WWTR1: variants seen among roughly 807,000 people sequenced by gnomAD.
The protein encoded by WWTR1 is WW domain-containing transcription regulator protein 1.
Under a neutral mutation model 40.1 loss-of-function variants are expected in WWTR1, and 13 were observed. The observed-to-expected ratio is 0.32, with a 90% CI of 0.21 to 0.52. The LOEUF (loss-of-function observed/expected upper bound fraction) is 0.52, where lower values mean the gene tolerates loss of function less well. Among genes scored for constraint, WWTR1 ranks in the 20% least tolerant of loss-of-function variants. WWTR1 has a pLI of 0.97. For synonymous variants in WWTR1, 230 were observed against 210.1 expected (o/e 1.09, Z -0.82); for missense variants, 436 against 523.1 (o/e 0.83, Z 1.63).
chr3:149,577,877 C>T (rs905830527), intron 2 of WWTR1, among the ~76,000 whole-genome samples: 1 of 152,008 alleles, frequency 6.6e-6, no homozygotes, highest in Non-Finnish European at 1.5e-5. Context: ...GTTAACTTTG[C>T]TCCAGTTTCC....
intron 3 of WWTR1, among the ~76,000 whole-genome samples, chr3:149,547,944 TCACACA>T (rs150391375): frequency 6.9e-6 from 1 of 144,910 alleles, no homozygotes; most frequent in African/African-American, 2.6e-5. Context: ...AAGGAAAAAA[TCACACA>T]CACACACACA....
At chr3:149,610,662 G>C (rs1452836268) in intron 2 of WWTR1, among the ~76,000 whole-genome samples, 1 of 152,226 alleles carries the variant, frequency 6.6e-6, no homozygotes, top group Non-Finnish European at 1.5e-5. Context: ...CCAGGGAAAG[G>C]AGGCAGGACG....
At chr3:149,623,025 C>T (rs1435069259) in intron 2 of WWTR1, among the ~76,000 whole-genome samples, 5 of 152,062 alleles carry the variant, frequency 3.3e-5, no homozygotes, top group African/African-American at 1.2e-4. Flanking sequence ...TTGCTAAGAA[C>T]AAATTCTAAT....
At chr3:149,604,716 G>A (rs756397569) in intron 2 of WWTR1, among the ~76,000 whole-genome samples, 12 of 152,226 alleles carry the variant, frequency 7.9e-5, no homozygotes, top group South Asian at 6.2e-4. Flanking sequence ...CTGGCCTTCC[G>A]TGTGCTGCCC....
chr3:149,597,432 C>CAAA (rs1253950023), intron 2 of WWTR1, among the ~76,000 whole-genome samples: 26 of 51,180 alleles, frequency 5.1e-4, no homozygotes, highest in Admixed American at 8.5e-4. Context: ...CCCAGCTCTA[C>CAAA]AAAAAAAAAA....
At chr3:149,702,997 G>A (rs1715242839) in intron 1 of WWTR1, 1 of 152,196 alleles carries the variant, frequency 6.6e-6, no homozygotes, top group Non-Finnish European at 1.5e-5. Flanking sequence ...TGTAGAAAGT[G>A]TTAACATTTA....
intron 2 of WWTR1, among the ~76,000 whole-genome samples, chr3:149,667,100 TTGTG>T (rs1169367981): frequency 1.3e-5 from 2 of 152,212 alleles, no homozygotes; most frequent in Admixed American, 1.3e-4. Flanking sequence ...ATTGGAGCGC[TTGTG>T]TGTATTAAAG....
intron 2 of WWTR1, among the ~76,000 whole-genome samples, chr3:149,578,807 G>T (rs1365439776): frequency 6.6e-6 from 1 of 152,120 alleles, no homozygotes; most frequent in Non-Finnish European, 1.5e-5. Context: ...TTGAACCGGG[G>T]AGGCGGAGGT....
At chr3:149,716,634 T>C (rs142309887) in intron 5 of WWTR1, among the ~76,000 whole-genome samples, 1,551 of 152,276 alleles carry the variant, frequency 0.01, 26 homozygotes, top group Admixed American at 0.053. Flanking sequence ...CATTTACTTA[T>C]TGATTGTTGA....
At chr3:149,543,580 C>CAATAAAAAAAA (rs1736227246) in intron 3 of WWTR1, among the ~76,000 whole-genome samples, 1 of 31,226 alleles carries the variant, frequency 3.2e-5, no homozygotes, top group East Asian at 1.2e-3. Context: ...GACTCTGTCT[C>CAATAAAAAAAA]AAAAAAAAAA....
At chr3:149,719,378 T>C (rs542351543) in intron 4 of WWTR1, among the ~76,000 whole-genome samples, 121 of 151,276 alleles carry the variant, frequency 8.0e-4, no homozygotes, top group Middle Eastern at 6.9e-3. Context: ...ACCACGTTGG[T>C]CAGGCTGATC....
intron 1 of WWTR1, among the ~76,000 whole-genome samples, chr3:149,676,317 T>A (rs557013057): frequency 4.6e-4 from 70 of 152,298 alleles, no homozygotes; most frequent in Non-Finnish European, 8.4e-4. Flanking sequence ...TTAGTAAGAA[T>A]CTTTCCAGAT....
chr3:149,650,455 A>G (rs993557718), intron 2 of WWTR1, among the ~76,000 whole-genome samples: 1 of 152,226 alleles, frequency 6.6e-6, no homozygotes, highest in Non-Finnish European at 1.5e-5. Flanking sequence ...ATACCTGTTC[A>G]TGGGATCACT....
chr3:149,665,250 A>G (rs1429009026), intron 2 of WWTR1, among the ~76,000 whole-genome samples: 3 of 137,744 alleles, frequency 2.2e-5, no homozygotes, highest in Non-Finnish European at 4.6e-5. Flanking sequence ...TTTTTGAGAC[A>G]GAGTCTTGCT....
chr3:149,581,105 C>T (rs1018703052), intron 2 of WWTR1, among the ~76,000 whole-genome samples: 2 of 152,110 alleles, frequency 1.3e-5, no homozygotes, highest in African/African-American at 2.4e-5. Context: ...AATCAATCTT[C>T]CTCCCACGTT....
intron 2 of WWTR1, among the ~76,000 whole-genome samples, chr3:149,575,542 C>T (rs1737840227): frequency 6.6e-6 from 1 of 152,174 alleles, no homozygotes; most frequent in Non-Finnish European, 1.5e-5. Flanking sequence ...TGTGCTAGAA[C>T]CAACATCAGC....
intron 2 of WWTR1, among the ~76,000 whole-genome samples, chr3:149,628,801 CCT>C (rs1711498407): frequency 6.7e-6 from 1 of 150,170 alleles, no homozygotes; most frequent in Non-Finnish European, 1.5e-5. Flanking sequence ...GTTGCTCTAG[CCT>C]CTGTTGCCCA....
intron 2 of WWTR1, among the ~76,000 whole-genome samples, chr3:149,665,999 C>T (rs1421212386): frequency 6.6e-6 from 1 of 152,036 alleles, no homozygotes; most frequent in Non-Finnish European, 1.5e-5. Context: ...TTTTTAATAT[C>T]CATTGTGTTC....
intron 3 of WWTR1, among the ~76,000 whole-genome samples, chr3:149,547,504 C>G (rs961082084): frequency 6.6e-6 from 1 of 151,788 alleles, no homozygotes; most frequent in Non-Finnish European, 1.5e-5. Context: ...CCAGCCTGAG[C>G]AACAAGAGCG....
Sources: allele counts gnomAD v4.1 joint callset (sites outside exome capture counted in the v4.1 genomes callset), GRCh38; gene constraint gnomAD v4.1.1; transcripts MANE v1.5; gene names NCBI Gene and HGNC (gene_info 2026-07-23, HGNC 2026-07-21).